FBXO16: variants seen among roughly 807,000 people sequenced by gnomAD.
FBXO16 encodes F-box only protein 16.
In FBXO16, 31 loss-of-function variants were observed where a neutral mutation model predicts 41.0. The observed-to-expected ratio is 0.76, with a 90% CI of 0.57 to 1.02. The LOEUF (loss-of-function observed/expected upper bound fraction) is 1.02. FBXO16 is among the 50% of genes least tolerant of loss of function. FBXO16 has a pLI of 0.00. For synonymous variants in FBXO16, 133 were observed against 117.8 expected (o/e 1.13, Z -0.84); for missense variants, 361 against 346.2 (o/e 1.04, Z -0.34).
chr8:28,454,374 T>C (rs1188651158), intron 5 of FBXO16, among the ~76,000 whole-genome samples: 5 of 151,634 alleles, frequency 3.3e-5, no homozygotes, highest in Non-Finnish European at 7.4e-5. Flanking sequence ...TAACATATGA[T>C]AATAAAAAAT....
rs566548257 is a variant in FBXO16 at position 28,445,103 on chromosome 8, G to T, written c.843+2068C>A. 2.6e-5 allele frequency among the ~76,000 whole-genome samples: 4 copies of T among 152,060 alleles called. No individual in the cohort carries two copies. In the South Asian group the frequency reaches 8.3e-4, roughly 32 times the overall value. ...CAAAATATCGCAGCATACTTTTTGGGGGATTTAATGATGCCGTATGCTCTT... is the reference window on the plus strand; with the variant it reads ...CAAAATATCGCAGCATACTTTTTGGTGGATTTAATGATGCCGTATGCTCTT... On this transcript the variant is annotated intron_variant, in intron 7 of 8. Transcript: ENST00000380254.
chr8:28,429,485 T>C (rs1802576329), intron 7 of FBXO16, 82 bp from the exon 8 acceptor site: 3 of 1,521,142 alleles, frequency 2.0e-6, no homozygotes, highest in African/African-American at 2.7e-5. Flanking sequence ...GGAGAGAGAG[T>C]GAGGCACTCT....
intron 3 of FBXO16, among the ~76,000 whole-genome samples, 176 bp downstream of exon 3, chr8:28,473,596 C>T (rs1803371087): frequency 6.6e-6 from 1 of 152,188 alleles, no homozygotes; most frequent in African/African-American, 2.4e-5. Context: ...TGATCTTGAG[C>T]TTCCTAAGCC....
At chr8:28,475,602 G>A (rs1223476382) in intron 2 of FBXO16, among the ~76,000 whole-genome samples, 1 of 152,182 alleles carries the variant, frequency 6.6e-6, no homozygotes, top group African/African-American at 2.4e-5. Context: ...CTTTTCTGAT[G>A]TCCAGGGATT....
intron 7 of FBXO16, among the ~76,000 whole-genome samples, chr8:28,439,459 C>T (rs1285319835): frequency 6.6e-6 from 1 of 152,112 alleles, no homozygotes; most frequent in Non-Finnish European, 1.5e-5. Context: ...AACACCCGGC[C>T]GTGCACAGTG....
intron 7 of FBXO16, among the ~76,000 whole-genome samples, chr8:28,434,632 T>TA (rs1171817908): frequency 1.3e-5 from 2 of 152,196 alleles, no homozygotes; most frequent in Non-Finnish European, 2.9e-5. Context: ...CTCCTCCCTT[T>TA]AAAAAAATCT....
chr8:28,459,898 A>G (rs1434736068), intron 4 of FBXO16, among the ~76,000 whole-genome samples: 1 of 149,818 alleles, frequency 6.7e-6, no homozygotes, highest in Non-Finnish European at 1.5e-5. Context: ...ATGGTGGCGC[A>G]TGCTGTAATC....
intron 7 of FBXO16, among the ~76,000 whole-genome samples, chr8:28,439,174 T>C (rs1173284585): frequency 6.6e-6 from 1 of 151,710 alleles, no homozygotes. Context: ...TATTACATGC[T>C]AAATATAATA....
At chr8:28,474,152 T>C (rs2130182175) in intron 2 of FBXO16, among the ~76,000 whole-genome samples, 2 of 151,566 alleles carry the variant, frequency 1.3e-5, no homozygotes, top group East Asian at 3.9e-4. Flanking sequence ...GGTGAGACTC[T>C]ATCTCTACAA....
intron 7 of FBXO16, among the ~76,000 whole-genome samples, chr8:28,445,859 TCCTC>T (rs1181055295): frequency 9.8e-4 from 150 of 152,338 alleles, no homozygotes; most frequent in South Asian, 3.1e-3. Flanking sequence ...ACGTACTTAT[TCCTC>T]TCCCAGCTGA....
intron 1 of FBXO16, among the ~76,000 whole-genome samples, chr8:28,484,686 G>A (rs1162305902): frequency 2.0e-5 from 3 of 152,172 alleles, no homozygotes; most frequent in African/African-American, 7.2e-5. Flanking sequence ...CCGCCTTCCG[G>A]GTTCACACCA....
At chr8:28,429,535 G>A in intron 7 of FBXO16, 132 bp from the exon 8 acceptor site, 1 of 955,060 alleles carries the variant, frequency 1.0e-6, no homozygotes. Context: ...TGTGCAAGGA[G>A]AGACCTAAGA....
At chr8:28,438,328 A>C (rs560503182) in intron 7 of FBXO16, among the ~76,000 whole-genome samples, 1 of 152,168 alleles carries the variant, frequency 6.6e-6, no homozygotes, top group Non-Finnish European at 1.5e-5. Flanking sequence ...AAAATAAATA[A>C]AATAAAAACT....
At chr8:28,476,928 A>G (rs1309146336) in intron 2 of FBXO16, among the ~76,000 whole-genome samples, 1 of 152,248 alleles carries the variant, frequency 6.6e-6, no homozygotes, top group Non-Finnish European at 1.5e-5. Flanking sequence ...AATGTCAAGG[A>G]AATTATCCTA....
intron 4 of FBXO16, among the ~76,000 whole-genome samples, chr8:28,459,608 G>A (rs1438751625): frequency 7.0e-6 from 1 of 142,142 alleles, no homozygotes; most frequent in South Asian, 2.3e-4. Context: ...CGACAAGAGC[G>A]AGACCCTGTC....
intron 3 of FBXO16, among the ~76,000 whole-genome samples, chr8:28,471,196 C>T (rs1353192278): frequency 6.6e-6 from 1 of 152,170 alleles, no homozygotes; most frequent in African/African-American, 2.4e-5. Flanking sequence ...TTGTACAGAA[C>T]ATTAGACAGG....
rs189876804 is a variant in FBXO16, at chr8:28,478,303, G to A, written c.100-4496C>T. On this transcript the variant is annotated intron_variant, in intron 2 of 8. Coordinates refer to ENST00000380254, the MANE Select transcript of FBXO16 (RefSeq NM_172366.4). Reference sequence around the variant, plus strand: ...TACTCGTTCCCCTCCAGAACTGAAGGATTTATTTCCCCACCTGTTGGAAGG... The same window carrying A: ...TACTCGTTCCCCTCCAGAACTGAAGAATTTATTTCCCCACCTGTTGGAAGG... Among the ~76,000 whole-genome samples, 23 of 152,184 alleles carry A rather than the reference G, an allele frequency of 1.5e-4. No individual in the cohort carries two copies. In the East Asian group the frequency reaches 3.9e-3, roughly 26 times the overall value.
chr8:28,456,577 G>A, intron 5 of FBXO16, 189 bp downstream of exon 5: 1 of 627,018 alleles, frequency 1.6e-6, no homozygotes. Context: ...TGGCAAATGA[G>A]GGCTCTCAAC....
intron 4 of FBXO16, among the ~76,000 whole-genome samples, chr8:28,462,538 A>G (rs138504924): frequency 0.014 from 2,148 of 152,006 alleles, 48 homozygotes; most frequent in African/African-American, 0.049. Flanking sequence ...TCTGCCTCCC[A>G]AAGTGCTGGG....
Sources: gnomAD v4.1 joint callset for allele counts (sites outside exome capture counted in the v4.1 genomes callset) on GRCh38, gnomAD v4.1.1 for gene constraint, MANE v1.5 for transcripts, NCBI Gene and HGNC (gene_info 2026-07-23, HGNC 2026-07-21) for gene names.